The following NXN variants were observed in gnomAD, a reference collection of about 807,000 sequenced individuals.
NXN encodes the protein nucleoredoxin.
Under a neutral mutation model 48.6 loss-of-function variants are expected in NXN, and 16 were observed. The observed-to-expected ratio is 0.33, with a 90% CI of 0.22 to 0.50. NXN has a LOEUF of 0.50. NXN is among the 20% of genes least tolerant of loss of function. NXN has a pLI of 0.98. For missense variants in NXN, 492 were observed against 605.5 expected (o/e 0.81, Z 1.97); for synonymous variants, 281 against 269.6 (o/e 1.04, Z -0.41).
chr17:923,012 G>C (rs978294810), intron 1 of NXN, among the ~76,000 whole-genome samples: 2 of 152,064 alleles, frequency 1.3e-5, no homozygotes, highest in African/African-American at 4.8e-5. Context: ...GGAGCCCAGA[G>C]TCTTCATCTC....
intron 1 of NXN, among the ~76,000 whole-genome samples, chr17:935,868 G>C (rs952539530): frequency 3.3e-5 from 5 of 152,088 alleles, no homozygotes; most frequent in African/African-American, 4.8e-5. Flanking sequence ...GGAGGCAGGT[G>C]GATCACCTGA....
intron 1 of NXN, among the ~76,000 whole-genome samples, chr17:832,834 C>A (rs1012498305): frequency 2.6e-5 from 4 of 152,066 alleles, no homozygotes; most frequent in Non-Finnish European, 4.4e-5. Flanking sequence ...TTTGTTTCCA[C>A]GTAAAGGCCC....
rs960725996 is a variant in NXN at position 851,670 on chromosome 17, G to A, written c.361-25592C>T. On this transcript the variant is annotated intron_variant, in intron 1 of 7. Coordinates refer to ENST00000336868, the MANE Select transcript of NXN (RefSeq NM_022463.5). Reference sequence around the variant, plus strand: ...TCCACATGTATCATTTACAATTTGCGCCCTCCTCACTCCGATGCTTATTTA... The same window carrying A: ...TCCACATGTATCATTTACAATTTGCACCCTCCTCACTCCGATGCTTATTTA... Among the ~76,000 whole-genome samples the A allele has an allele frequency of 4.6e-5, 7 of 152,236 alleles. No homozygotes were observed. The East Asian group carries it at 5.8e-4, about 13-fold the overall frequency.
At chr17:979,234 A>AGGGAAGGGGTAACGGGCGTGGGGGGC in intron 1 of NXN, 85 bp downstream of exon 1, 1 of 457,574 alleles carries the variant, frequency 2.2e-6, no homozygotes, top group South Asian at 5.2e-5. Context: ...GGGTTGGCGG[A>AGGGAAGGGGTAACGGGCGTGGGGGGC]GGGCAGGGGT....
intron 1 of NXN, among the ~76,000 whole-genome samples, chr17:939,344 CTT>C (rs34838555): frequency 5.8e-4 from 74 of 127,908 alleles, no homozygotes; most frequent in Admixed American, 6.7e-4. Flanking sequence ...TAGAAATCAG[CTT>C]TTTTTTTTTT....
At chr17:896,856 C>CCGGG in intron 1 of NXN, 2 of 1,156,930 alleles carry the variant, frequency 1.7e-6, no homozygotes, top group Non-Finnish European at 2.2e-6. Flanking sequence ...CGGTCCTGAC[C>CCGGG]ACCCGCCCCC....
At chr17:803,970 T>C (rs529485266) in intron 6 of NXN, 164 bp from the exon 7 acceptor site, 45 of 815,602 alleles carry the variant, frequency 5.5e-5, no homozygotes, top group Admixed American at 5.1e-4. Context: ...CCCGCATGCA[T>C]GGGTGTGTGT....
chr17:895,595 A>G (rs558841157), intron 1 of NXN, among the ~76,000 whole-genome samples: 2,804 of 149,502 alleles, frequency 0.019, 38 homozygotes, highest in East Asian at 0.071. Context: ...GGCGGATCAC[A>G]GGGTCAGGAG....
intron 5 of NXN, among the ~76,000 whole-genome samples, chr17:808,570 C>T (rs1911721256): frequency 2.0e-5 from 3 of 152,032 alleles, no homozygotes; most frequent in Admixed American, 2.0e-4. Flanking sequence ...GCTGAGATAA[C>T]AGGTGTGAAC....
At chr17:841,443 TCCCCCTGACCACGGCGCATCTCACACG>T (rs1567827496) in intron 1 of NXN, among the ~76,000 whole-genome samples, 29 of 37,024 alleles carry the variant, frequency 7.8e-4, no homozygotes, top group Admixed American at 1.2e-3. Flanking sequence ...GGCGAGCAGG[TCCCCCTGACCACGGCGCATCTCACACG>T]GGCGAGCAGG....
chr17:959,261 C>T (rs2069207295), intron 1 of NXN: 2 of 587,066 alleles, frequency 3.4e-6, no homozygotes, highest in Non-Finnish European at 5.2e-6. Flanking sequence ...CAAAGCCTTC[C>T]TTTCCCCTCC....
At chr17:931,285 CAA>C (rs778432060) in intron 1 of NXN, among the ~76,000 whole-genome samples, 63 of 106,986 alleles carry the variant, frequency 5.9e-4, no homozygotes, top group Admixed American at 3.9e-4. Context: ...AGACTCCATC[CAA>C]AAAAAAAAAA....
chr17:914,427 C>T (rs957859703), intron 1 of NXN, among the ~76,000 whole-genome samples: 28 of 152,178 alleles, frequency 1.8e-4, no homozygotes, highest in Admixed American at 4.6e-4. Context: ...GCCACAGCCT[C>T]CCAAAGTGCT....
intron 1 of NXN, among the ~76,000 whole-genome samples, chr17:961,073 C>T (rs987125024): frequency 1.3e-4 from 19 of 151,906 alleles, no homozygotes; most frequent in African/African-American, 4.6e-4. Context: ...CGTGAGCCAC[C>T]GTGCCTGGCC....
chr17:970,431 G>C (rs1270646350), intron 1 of NXN, among the ~76,000 whole-genome samples: 1 of 151,940 alleles, frequency 6.6e-6, no homozygotes, highest in African/African-American at 2.4e-5. Flanking sequence ...CTAAAAAAAA[G>C]CCAAATCATT....
In NXN at chr17:926,233, C is replaced by A. The variant is rs79502892; in HGVS notation, c.360+53086G>T. On this transcript the variant is annotated intron_variant, in intron 1 of 7. Coordinates refer to ENST00000336868, the MANE Select transcript of NXN (RefSeq NM_022463.5). ...ACGGATCTCACTCTGTCACCCAGGC[C>A]GTAGTGCAGTGGCACCGTCAATGGC... Among the ~76,000 whole-genome samples, 1,494 of 152,256 alleles carry A rather than the reference C, an allele frequency of 9.8e-3. 27 individuals are homozygous for A. The highest frequency in any genetic ancestry group is 0.03 in the African/African-American group (1,264 of 41,546).
intron 1 of NXN, among the ~76,000 whole-genome samples, chr17:897,885 T>C (rs899940412): frequency 2.6e-5 from 4 of 152,230 alleles, no homozygotes; most frequent in Non-Finnish European, 4.4e-5. Context: ...TTCACCGTGT[T>C]GGCCAGGCTG....
At chr17:947,682 G>A (rs1358326694) in intron 1 of NXN, among the ~76,000 whole-genome samples, 2 of 145,280 alleles carry the variant, frequency 1.4e-5, no homozygotes, top group Non-Finnish European at 3.0e-5. Context: ...GCAGTGAGCC[G>A]AGATCCTGCC....
At position 822,342 on chromosome 17, in the gene NXN, C is replaced by T. The variant is rs1455588410; in HGVS notation, c.713+15G>A. 1.9e-6 allele frequency: 3 copies of T among 1,594,436 alleles called. No individual in the cohort carries two copies. Among genetic ancestry groups the T allele is most frequent in the East Asian group, 4.5e-5 (2 of 44,566 alleles). On this transcript the variant is annotated intron_variant, in intron 4 of 7. Coordinates refer to ENST00000336868, the MANE Select transcript of NXN (RefSeq NM_022463.5). ...CCTACAGAAAAGGGGCCCAGCACTT[C>T]ACGGCACGACTGACCTGTCTGCACT...
Sources: gnomAD v4.1 joint callset for allele counts (sites outside exome capture counted in the v4.1 genomes callset) on GRCh38, gnomAD v4.1.1 for gene constraint, MANE v1.5 for transcripts, NCBI Gene and HGNC (gene_info 2026-07-23, HGNC 2026-07-21) for gene names.